The following SAMD12 variants were observed in gnomAD, a reference collection of about 807,000 sequenced individuals.
The protein encoded by SAMD12 is sterile alpha motif domain containing 12, also known as sterile alpha motif domain-containing protein 12.
In SAMD12, 9 loss-of-function variants were observed where a neutral mutation model predicts 15.0. That is an observed-to-expected ratio of 0.60 (90% confidence interval 0.36 to 1.05). The LOEUF is 1.05. Ranked by LOEUF, SAMD12 falls within the 50% of genes least tolerant of loss-of-function variation. SAMD12 has a pLI of 0.01. For synonymous variants in SAMD12, 86 were observed against 90.1 expected (o/e 0.96, Z 0.25); for missense variants, 230 against 234.2 (o/e 0.98, Z 0.12).
chr8:118,520,306 A>T (rs1201264624), intron 2 of SAMD12, among the ~76,000 whole-genome samples: 1 of 152,182 alleles, frequency 6.6e-6, no homozygotes, highest in Non-Finnish European at 1.5e-5. Context: ...ATCATTTAGA[A>T]GCCTACCTGA....
chr8:118,571,302 A>G (rs1292815547), intron 2 of SAMD12, among the ~76,000 whole-genome samples: 1 of 152,214 alleles, frequency 6.6e-6, no homozygotes, highest in African/African-American at 2.4e-5. Flanking sequence ...GACTTGTTGA[A>G]CAGCTTTGAC....
chr8:118,277,332 C>T (rs1355594930), intron 4 of SAMD12, among the ~76,000 whole-genome samples: 1 of 152,194 alleles, frequency 6.6e-6, no homozygotes, highest in Non-Finnish European at 1.5e-5. Context: ...TCCTTCCTGA[C>T]TTGACTGTTC....
chr8:118,330,508 G>A (rs1816761467), intron 4 of SAMD12, among the ~76,000 whole-genome samples: 1 of 152,088 alleles, frequency 6.6e-6, no homozygotes. Context: ...ACAAAAGGAG[G>A]AAATAAACAT....
chr8:118,444,205 C>T (rs1471409752), intron 2 of SAMD12, among the ~76,000 whole-genome samples: 2 of 152,154 alleles, frequency 1.3e-5, no homozygotes, highest in East Asian at 3.9e-4. Flanking sequence ...ACATCCTGCC[C>T]AATGGCAAAC....
chr8:118,299,188 C>T (rs1452839176), intron 4 of SAMD12, among the ~76,000 whole-genome samples: 1 of 152,080 alleles, frequency 6.6e-6, no homozygotes, highest in African/African-American at 2.4e-5. Context: ...ATGGGAAGGT[C>T]TAGAGGGAAC....
intron 2 of SAMD12, among the ~76,000 whole-genome samples, chr8:118,556,366 G>A (rs532689134): frequency 3.3e-5 from 5 of 152,266 alleles, no homozygotes; most frequent in Admixed American, 6.5e-5. Flanking sequence ...TGTATTGAAC[G>A]AAGGGTGGCA....
chr8:118,212,062 TTGTGTGTG>T (rs35939969), intron 4 of SAMD12, among the ~76,000 whole-genome samples: 1 of 150,740 alleles, frequency 6.6e-6, no homozygotes, highest in African/African-American at 2.4e-5. Context: ...GTTGCAGATT[TTGTGTGTG>T]TGTGTGTGTG....
chr8:118,297,400 C>T (rs1284274628), intron 4 of SAMD12, among the ~76,000 whole-genome samples: 1 of 152,114 alleles, frequency 6.6e-6, no homozygotes, highest in Non-Finnish European at 1.5e-5. Flanking sequence ...AGAAGAGTTA[C>T]CCAAATGTTT....
chr8:118,551,608 C>T (rs184868366), intron 2 of SAMD12, among the ~76,000 whole-genome samples: 11,973 of 151,026 alleles, frequency 0.079, 568 homozygotes, highest in African/African-American at 0.12. Flanking sequence ...AACATCACAA[C>T]TAAAAGAACT....
intron 2 of SAMD12, among the ~76,000 whole-genome samples, chr8:118,448,378 C>G (rs1252974265): frequency 6.6e-6 from 1 of 152,216 alleles, no homozygotes; most frequent in Admixed American, 6.5e-5. Flanking sequence ...TTATATGTCT[C>G]TTCCCACTGG....
At chr8:118,530,537 G>T (rs988104429) in intron 2 of SAMD12, among the ~76,000 whole-genome samples, 1 of 151,914 alleles carries the variant, frequency 6.6e-6, no homozygotes, top group South Asian at 2.1e-4. Flanking sequence ...AGGGTTATTT[G>T]GGTTTTTTTG....
intron 3 of SAMD12, among the ~76,000 whole-genome samples, chr8:118,399,009 G>C (rs564971898): frequency 6.6e-6 from 1 of 152,092 alleles, no homozygotes; most frequent in East Asian, 1.9e-4. Context: ...TCAGCCTCCC[G>C]AGTAGCTGAG....
intron 3 of SAMD12, among the ~76,000 whole-genome samples, chr8:118,397,594 AG>A (rs1210660558): frequency 4.6e-5 from 7 of 152,146 alleles, no homozygotes; most frequent in Non-Finnish European, 1.0e-4. Context: ...ACATAGGTAA[AG>A]AAATTACATT....
intron 1 of SAMD12, among the ~76,000 whole-genome samples, chr8:118,584,919 G>GTT (rs1554590577): frequency 7.2e-6 from 1 of 138,920 alleles, no homozygotes; most frequent in Non-Finnish European, 1.5e-5. Context: ...CAACTTGTAG[G>GTT]TATACACACA....
intron 3 of SAMD12, among the ~76,000 whole-genome samples, chr8:118,421,667 G>A (rs1822002003): frequency 6.6e-6 from 1 of 152,180 alleles, no homozygotes; most frequent in African/African-American, 2.4e-5. Context: ...CCTCTTTCCT[G>A]CTGCCCTAAA....
chr8:118,599,433 CAG>C (rs1326259338), intron 1 of SAMD12, among the ~76,000 whole-genome samples: 1 of 152,188 alleles, frequency 6.6e-6, no homozygotes, highest in Non-Finnish European at 1.5e-5. Context: ...CATGAGAACG[CAG>C]TCAACAAGAC....
intron 4 of SAMD12, among the ~76,000 whole-genome samples, chr8:118,342,762 T>C (rs1817437609): frequency 6.6e-6 from 1 of 152,182 alleles, no homozygotes; most frequent in Non-Finnish European, 1.5e-5. Flanking sequence ...CCAAGAACCT[T>C]CATTTTCAAT....
intron 4 of SAMD12, among the ~76,000 whole-genome samples, chr8:118,208,979 T>G (rs1192656130): frequency 6.6e-6 from 1 of 152,166 alleles, no homozygotes; most frequent in Admixed American, 6.5e-5. Flanking sequence ...AAATAGTAAT[T>G]AGAAAAGGCT....
chr8:118,507,310 G>C (rs943860621), intron 2 of SAMD12, among the ~76,000 whole-genome samples: 6 of 151,878 alleles, frequency 4.0e-5, no homozygotes, highest in African/African-American at 1.5e-4. Flanking sequence ...TCCCTCCTCT[G>C]AACTTTACCA....
Sources: gnomAD v4.1 joint callset for allele counts (sites outside exome capture counted in the v4.1 genomes callset) on GRCh38, gnomAD v4.1.1 for gene constraint, MANE v1.5 for transcripts, NCBI Gene and HGNC (gene_info 2026-07-23, HGNC 2026-07-21) for gene names.